The following DPAGT1 variants were observed in gnomAD, a reference collection of about 807,000 sequenced individuals.
DPAGT1 encodes dolichyl-phosphate N-acetylglucosaminephosphotransferase 1, also known as UDP-N-acetylglucosamine--dolichyl-phosphate N-acetylglucosaminephosphotransferase.
DPAGT1 carries 25 observed loss-of-function variants against 39.3 expected under a neutral mutation model. The observed-to-expected ratio is 0.64, with a 90% CI of 0.46 to 0.89. DPAGT1 has a LOEUF of 0.89. Ranked by LOEUF, DPAGT1 falls within the 40% of genes least tolerant of loss-of-function variation. The probability of loss-of-function intolerance (pLI) is 0.00; values close to 1 mark genes in which losing one functional copy is unlikely to be tolerated. For synonymous variants in DPAGT1, 193 were observed against 201.4 expected (o/e 0.96, Z 0.36); for missense variants, 381 against 500.6 (o/e 0.76, Z 2.28).
chr11:119,095,277 A>G, downstream of DPAGT1: 4 of 1,612,856 alleles, frequency 2.5e-6, no homozygotes, highest in Non-Finnish European at 3.4e-6. Context: ...CGCTCGGCGT[A>G]GTGGCCCTTC....
At chr11:119,101,279 G>A in intron 1 of DPAGT1, 141 bp from the exon 2 acceptor site, 2 of 1,379,012 alleles carry the variant, frequency 1.5e-6, no homozygotes, top group Non-Finnish European at 2.0e-6. Flanking sequence ...GCGGAGGGAG[G>A]AAAGCACCAC....
chr11:119,098,373 A>G, intron 5 of DPAGT1, 30 bp downstream of exon 5: 7 of 1,603,852 alleles, frequency 4.4e-6, no homozygotes, highest in Non-Finnish European at 5.1e-6. Flanking sequence ...GTGTTCAGGT[A>G]GTTGTCCCCT....
chr11:119,098,126 C>G, intron 5 of DPAGT1, 83 bp from the exon 6 acceptor site: 2 of 1,569,840 alleles, frequency 1.3e-6, no homozygotes, highest in Non-Finnish European at 1.7e-6. Flanking sequence ...GGGCACTGGA[C>G]TAGCCCTGAC....
chr11:119,101,339 T>A lies in DPAGT1; in HGVS notation c.161+156A>T, dbSNP rs1592230030. 2.4e-5 allele frequency: 35 copies of A among 1,475,598 alleles called. 1 individual carries two copies. The East Asian group carries it at 7.7e-4, about 32-fold the overall frequency. The allele number at this position is 1,475,598 out of a possible 1,614,324, so 91.4% of individuals were successfully genotyped here. On this transcript the variant is annotated intron_variant, in intron 1 of 8. Coordinates refer to ENST00000354202, the MANE Select transcript of DPAGT1 (RefSeq NM_001382.4). ...GGGTCCCTACCCATCCTTTCCCCAA[T>A]GCGAGTAAGTTCTGCTCATCACCTC...
Position 119,097,636 on chromosome 11 carries a change from A to G in DPAGT1, c.918-85T>C. 6.6e-7 allele frequency: 1 copy of G among 1,512,734 alleles called. No homozygotes were observed. Among genetic ancestry groups the G allele is most frequent in the Admixed American group, 1.7e-5 (1 of 59,782 alleles). 93.7% of individuals were successfully genotyped at this position (1,512,734 alleles called of 1,614,324 possible). A position where few individuals can be genotyped will look rare whatever the true frequency, so the allele number is the denominator to read the frequency against. ...CTAATAGGAAGAGCATTGAATGTGG[A>G]GTCAACCTGAGATCTATTTCTGGCT... On this transcript the variant is annotated intron_variant, in intron 6 of 8. Coordinates refer to ENST00000354202, the MANE Select transcript of DPAGT1 (RefSeq NM_001382.4). The surrounding 1 kb of genome is among the most constrained non-coding windows in gnomAD (Gnocchi z 4.6).
At chr11:119,100,935 C>T (rs1332579206) in intron 2 of DPAGT1, 83 bp downstream of exon 2, 2 of 1,613,722 alleles carry the variant, frequency 1.2e-6, no homozygotes, top group Non-Finnish European at 1.7e-6. Flanking sequence ...CTTAGCCCCT[C>T]CCCACAAGCC....
intron 5 of DPAGT1, 141 bp from the exon 6 acceptor site, chr11:119,098,184 G>A (rs563218794): frequency 1.9e-4 from 229 of 1,232,118 alleles, no homozygotes; most frequent in Middle Eastern, 2.6e-4. Context: ...AACTCTGCAG[G>A]ATCCAAGGCC....
At chr11:119,100,120 G>A (rs1010062032) in intron 4 of DPAGT1, 142 bp downstream of exon 4, 13 of 1,345,318 alleles carry the variant, frequency 9.7e-6, no homozygotes, top group Non-Finnish European at 1.4e-5. Flanking sequence ...AATCTGCATT[G>A]TTATTTGCAA....
intron 5 of DPAGT1, 54 bp from the exon 6 acceptor site, chr11:119,098,097 C>T: frequency 6.2e-7 from 1 of 1,607,728 alleles, no homozygotes; most frequent in Admixed American, 1.7e-5. Context: ...CCAATCCCTT[C>T]TCTCACATCA....
chr11:119,099,617 T>C (rs1460315975), intron 4 of DPAGT1, among the ~76,000 whole-genome samples: 4 of 150,298 alleles, frequency 2.7e-5, no homozygotes, highest in African/African-American at 9.8e-5. Context: ...GGTGAAACCC[T>C]GTCTCTACAA....
rs1946505549 is a variant in DPAGT1, at chr11:119,101,485, C to G, written c.161+10G>C. 1.2e-6 allele frequency: 2 copies of G among 1,613,894 alleles called. No individual in the cohort carries two copies. Among genetic ancestry groups the G allele is most frequent in the Non-Finnish European group, 1.7e-6 (2 of 1,179,904 alleles). On this transcript the variant is annotated intron_variant, in intron 1 of 8. Transcript: ENST00000354202. ...TTGCCCCCTGCCCGGACCCGTGTGC[C>G]GCTGCTCACATCTGCTGTCGGCTGG...
rs536836557 is a variant in DPAGT1, at chr11:119,096,789, T to C, written c.*209A>G. On this transcript the variant is annotated 3_prime_UTR_variant, in exon 9 of 9. Transcript: ENST00000354202. ...GAGAGTAGCAAGTTGCAGAAAGCCA[T>C]AGGTAAAATCCAATCAGTAGTCAGC... 10 of 634,172 alleles carry C rather than the reference T, an allele frequency of 1.6e-5. No homozygotes were observed. The highest frequency in any genetic ancestry group is 4.2e-4 in the Middle Eastern group (1 of 2,370). 39.3% of individuals were successfully genotyped at this position (634,172 alleles called of 1,614,324 possible). A position where few individuals can be genotyped will look rare whatever the true frequency, so the allele number is the denominator to read the frequency against.
chr11:119,100,195 A>C, intron 4 of DPAGT1, 67 bp downstream of exon 4: 1 of 1,611,206 alleles, frequency 6.2e-7, no homozygotes, highest in South Asian at 1.1e-5. Flanking sequence ...TGAATTTCCC[A>C]AAGTCATATA....
In DPAGT1 at chr11:119,101,076, G is replaced by A. The variant is rs749390813; in HGVS notation, c.224C>T (p.Pro75Leu). ...CACAAAGCAGTTCAGGAAGGGGAAA[G>A]GGATGAAGCAGAAGAGGATGATAAG... ...VFLIILFCFI[P>L]FPFLNCFVKE... The change falls in exon 2 of 9, where the codon CCT becomes CTT. Residue 75 changes from proline (P) to leucine (L), a missense_variant. Coordinates refer to ENST00000354202, the MANE Select transcript of DPAGT1 (RefSeq NM_001382.4). 14 of 1,614,070 alleles carry A rather than the reference G, an allele frequency of 8.7e-6. No individual in the cohort carries two copies. Among genetic ancestry groups the A allele is most frequent in the Non-Finnish European group, 1.7e-6 (2 of 1,180,046 alleles).
At chr11:119,100,884 C>T in intron 2 of DPAGT1, 41 bp from the exon 3 acceptor site, 2 of 1,613,880 alleles carry the variant, frequency 1.2e-6, no homozygotes, top group Non-Finnish European at 1.7e-6. Flanking sequence ...AAGCCTGCTC[C>T]CATTCCACCT....
chr11:119,101,308 A>T, intron 1 of DPAGT1, 170 bp from the exon 2 acceptor site: 1 of 1,370,220 alleles, frequency 7.3e-7, no homozygotes, highest in Non-Finnish European at 1.0e-6. Flanking sequence ...TCCCAGATAT[A>T]CCCAAGGGTC....
downstream of DPAGT1, among the ~76,000 whole-genome samples, chr11:119,095,768 G>C (rs1946382587): frequency 2.0e-5 from 3 of 152,088 alleles, no homozygotes. Context: ...GACCAAAGGG[G>C]TGGAGTCTGA....
chr11:119,095,435 T>A, downstream of DPAGT1: 1 of 1,460,828 alleles, frequency 6.8e-7, no homozygotes. Flanking sequence ...GCTCAAACAC[T>A]AGAACAGACG....
At chr11:119,094,342 A>T (rs1251616767), downstream of DPAGT1, 1 of 152,296 alleles carries the variant, frequency 6.6e-6, no homozygotes, top group Non-Finnish European at 1.5e-5. Context: ...GAAATCGGCG[A>T]TCGCGTCTCT....
Sources: allele counts gnomAD v4.1 joint callset (sites outside exome capture counted in the v4.1 genomes callset), GRCh38; gene constraint gnomAD v4.1.1; non-coding constraint Gnocchi (gnomAD v3.1); transcripts MANE v1.5; gene names NCBI Gene and HGNC (gene_info 2026-07-23, HGNC 2026-07-21).